The following NELL1 variants were observed in gnomAD, a reference collection of about 807,000 sequenced individuals.
The protein encoded by NELL1 is protein kinase C-binding protein NELL1.
Under a neutral mutation model 107.4 loss-of-function variants are expected in NELL1, and 76 were observed. The ratio of observed to expected loss-of-function variants is 0.71; its 90% CI spans 0.59 to 0.86. NELL1 has a LOEUF of 0.86. NELL1 is among the 40% of genes least tolerant of loss of function. The pLI is 0.00. For synonymous variants in NELL1, 353 were observed against 341.2 expected (o/e 1.03, Z -0.38); for missense variants, 1,024 against 1,005.5 (o/e 1.02, Z -0.25).
At chr11:20,936,048 G>C (rs983100669) in intron 9 of NELL1, among the ~76,000 whole-genome samples, 8 of 152,130 alleles carry the variant, frequency 5.3e-5, no homozygotes, top group Admixed American at 3.3e-4. Flanking sequence ...TACTTTATTA[G>C]GAAGTGCTCT....
At chr11:21,431,176 C>G (rs1407410016) in intron 15 of NELL1, among the ~76,000 whole-genome samples, 1 of 151,982 alleles carries the variant, frequency 6.6e-6, no homozygotes, top group Admixed American at 6.6e-5. Flanking sequence ...CCTCCCTTCT[C>G]TCACTTCATT....
At chr11:21,487,315 T>G (rs1415226253) in intron 15 of NELL1, among the ~76,000 whole-genome samples, 1 of 152,100 alleles carries the variant, frequency 6.6e-6, no homozygotes, top group Admixed American at 6.6e-5. Context: ...TTCAATGTGC[T>G]GAAAGAATAA....
At chr11:21,313,221 T>C (rs1449020459) in intron 14 of NELL1, among the ~76,000 whole-genome samples, 1 of 152,142 alleles carries the variant, frequency 6.6e-6, no homozygotes, top group Admixed American at 6.6e-5. Context: ...GTGAGTGTGA[T>C]CTGTTGAATC....
chr11:21,421,043 A>T (rs1194942273), intron 15 of NELL1, among the ~76,000 whole-genome samples: 1 of 152,214 alleles, frequency 6.6e-6, no homozygotes, highest in African/African-American at 2.4e-5. Context: ...GACAGAAGAA[A>T]ATGCCAAGGA....
intron 12 of NELL1, among the ~76,000 whole-genome samples, chr11:20,982,445 T>A (rs1413338360): frequency 6.6e-6 from 1 of 152,174 alleles, no homozygotes; most frequent in Non-Finnish European, 1.5e-5. Flanking sequence ...GAACTGAGAT[T>A]TAGGAGACCC....
At chr11:21,034,657 A>G (rs1853044669) in intron 12 of NELL1, among the ~76,000 whole-genome samples, 1 of 152,202 alleles carries the variant, frequency 6.6e-6, no homozygotes, top group African/African-American at 2.4e-5. Context: ...TTTTGGGTAA[A>G]TAATGAAATT....
At position 21,575,172 on chromosome 11, in the gene NELL1, A is replaced by T; in HGVS notation, c.*150A>T. 1.4e-6 allele frequency: 1 copy of T among 717,182 alleles called. No homozygotes were observed. The highest frequency in any genetic ancestry group is 2.7e-5 in the East Asian group (1 of 36,574). 44.4% of individuals were successfully genotyped at this position (717,182 alleles called of 1,614,324 possible). ...GTTTCCACCTGAGGACGGTGTTTGG[A>T]GGTTGCCTTTTGGACCTACCACTTT... is the stretch of plus-strand genomic sequence containing the variant. On this transcript the variant is annotated 3_prime_UTR_variant, in exon 20 of 20. Coordinates refer to ENST00000357134, the MANE Select transcript of NELL1 (RefSeq NM_006157.5).
At chr11:21,478,693 T>TAA (rs34265788) in intron 15 of NELL1, among the ~76,000 whole-genome samples, 2,192 of 139,958 alleles carry the variant, frequency 0.016, 58 homozygotes, top group African/African-American at 0.054. Context: ...CACACCAAGT[T>TAA]AAAAAAAAAA....
chr11:20,865,823 T>A (rs564623395), intron 4 of NELL1, among the ~76,000 whole-genome samples: 1 of 152,264 alleles, frequency 6.6e-6, no homozygotes, highest in African/African-American at 2.4e-5. Flanking sequence ...CTGTAAACAA[T>A]GCCGTTTAAT....
intron 16 of NELL1, among the ~76,000 whole-genome samples, chr11:21,540,700 T>C (rs1204858021): frequency 1.3e-5 from 2 of 151,988 alleles, no homozygotes; most frequent in Non-Finnish European, 2.9e-5. Flanking sequence ...CCAGATCTCA[T>C]GAGAACCCAC....
At chr11:20,910,942 T>G (rs1850116908) in intron 5 of NELL1, among the ~76,000 whole-genome samples, 1 of 152,194 alleles carries the variant, frequency 6.6e-6, no homozygotes. Flanking sequence ...CTCCATCCCT[T>G]TTTAGTATTT....
At chr11:20,976,746 C>T (rs1851644820) in intron 12 of NELL1, among the ~76,000 whole-genome samples, 1 of 152,076 alleles carries the variant, frequency 6.6e-6, no homozygotes, top group Admixed American at 6.6e-5. Context: ...TTCAAAAATG[C>T]TCCTTAATGG....
chr11:21,066,660 G>T (rs890426503), intron 12 of NELL1, among the ~76,000 whole-genome samples: 6 of 152,102 alleles, frequency 3.9e-5, no homozygotes, highest in Non-Finnish European at 5.9e-5. Flanking sequence ...CTGAATAAAA[G>T]AGTTCCAGGT....
intron 14 of NELL1, among the ~76,000 whole-genome samples, chr11:21,274,559 T>A (rs1011894256): frequency 3.9e-5 from 6 of 152,172 alleles, no homozygotes; most frequent in African/African-American, 1.4e-4. Flanking sequence ...CTAATAGACA[T>A]CTACAGAACT....
intron 15 of NELL1, among the ~76,000 whole-genome samples, chr11:21,421,815 A>G (rs1852680223): frequency 6.6e-6 from 1 of 152,214 alleles, no homozygotes; most frequent in South Asian, 2.1e-4. Context: ...TCTAAGTAAG[A>G]TGACCTGACA....
chr11:21,326,566 C>T (rs2133677992), intron 14 of NELL1, among the ~76,000 whole-genome samples: 1 of 151,990 alleles, frequency 6.6e-6, no homozygotes, highest in South Asian at 2.1e-4. Context: ...CACATATTTA[C>T]CATCCCTAGC....
chr11:21,391,774 A>G (rs1209203592), intron 15 of NELL1, among the ~76,000 whole-genome samples: 2 of 151,524 alleles, frequency 1.3e-5, no homozygotes, highest in African/African-American at 4.8e-5. Flanking sequence ...AACTGGGACT[A>G]CATACAGGTG....
chr11:20,927,159 A>G lies in NELL1; in HGVS notation c.760-149A>G, dbSNP rs960831790. 5 of 676,320 alleles carry G rather than the reference A, an allele frequency of 7.4e-6. No homozygotes were observed. In the African/African-American group the frequency reaches 9.3e-5, roughly 13 times the overall value. 41.9% of individuals were successfully genotyped at this position (676,320 alleles called of 1,614,324 possible). On this transcript the variant is annotated intron_variant, in intron 7 of 19. Coordinates refer to ENST00000357134, the MANE Select transcript of NELL1 (RefSeq NM_006157.5). The stretch of plus-strand genomic sequence containing the variant: ...CCACCTTGTGTAAAAAAAATAAAAA[A>G]AACAAAAAACAGATAATGCTAAGAA...
At chr11:21,419,023 T>A (rs910195377) in intron 15 of NELL1, among the ~76,000 whole-genome samples, 1 of 152,134 alleles carries the variant, frequency 6.6e-6, no homozygotes, top group Non-Finnish European at 1.5e-5. Context: ...GTCTCTACGC[T>A]CACCCACTTC....
Sources: allele counts gnomAD v4.1 joint callset (sites outside exome capture counted in the v4.1 genomes callset), GRCh38; gene constraint gnomAD v4.1.1; transcripts MANE v1.5; gene names NCBI Gene and HGNC (gene_info 2026-07-23, HGNC 2026-07-21).